The following MISP3 variants were observed in gnomAD, a reference collection of about 807,000 sequenced individuals.
MISP3 encodes the protein uncharacterized protein MISP3.
In MISP3, 9 loss-of-function variants were observed where a neutral mutation model predicts 5.5. The ratio of observed to expected loss-of-function variants is 1.65; its 90% CI spans 0.99 to 2.87. MISP3 has a LOEUF of 2.87. MISP3 is among the 30% of genes most tolerant of loss of function. The pLI, the probability that MISP3 is intolerant of heterozygous loss-of-function variation, is 0.00. For synonymous variants in MISP3, 87 were observed against 38.1 expected (o/e 2.28, Z -4.73); for missense variants, 152 against 84.1 (o/e 1.81, Z -3.16).
At position 14,074,225 on chromosome 19, in the gene MISP3, T is replaced by C; in HGVS notation, c.569-165T>C. 3.3e-6 allele frequency: 2 copies of C among 603,750 alleles called. No homozygotes were observed. Among genetic ancestry groups the C allele is most frequent in the Non-Finnish European group, 3.0e-6 (1 of 338,304 alleles). 37.4% of individuals were successfully genotyped at this position (603,750 alleles called of 1,614,324 possible). A position where few individuals can be genotyped will look rare whatever the true frequency, so the allele number is the denominator to read the frequency against. ...GAATTTTCGGGCTCCTGCTTCTCCA[T>C]TCTGGGTTCACCTCCCTCCTCCCTC... On this transcript the variant is annotated intron_variant, in intron 1 of 2. Transcript: ENST00000587086. The surrounding 1 kb of genome is among the most constrained non-coding windows in gnomAD (Gnocchi z 4.4).
In MISP3 at chr19:14,074,564, C is replaced by G; in HGVS notation, c.642+101C>G. 1.5e-6 allele frequency: 1 copy of G among 681,624 alleles called. No individual in the cohort carries two copies. The highest frequency in any genetic ancestry group is 2.7e-6 in the Non-Finnish European group (1 of 370,292). 42.2% of individuals were successfully genotyped at this position (681,624 alleles called of 1,614,324 possible). Reference sequence around the variant, plus strand: ...GGAAAAGTGCATCCTCCCTGGAGGGCCACTCTGGTCAGAACTCAGTCTGGG... The same window carrying G: ...GGAAAAGTGCATCCTCCCTGGAGGGGCACTCTGGTCAGAACTCAGTCTGGG... On this transcript the variant is annotated intron_variant, in intron 2 of 2. Coordinates refer to ENST00000587086, the MANE Select transcript of MISP3 (RefSeq NM_001291291.2). This position sits in a 1 kb window ranked among gnomAD's most constrained non-coding sequence, Gnocchi z 4.4.
rs1262187442 is a variant in MISP3 at position 14,073,361 on chromosome 19, AGCCTGCGCCGGAGCCGGG to A, written c.58_75del (p.Arg20_Leu25del). ...CCGCCGCAGCTGCGAACGCGAGGAG[AGCCTGCGCCGGAGCCGGG>A]GCCTGAGCCCGGGCCGCGCAGGCCG... On this transcript the variant is annotated inframe_deletion, in exon 1 of 3. Transcript: ENST00000587086. This position sits in a 1 kb window ranked among gnomAD's most constrained non-coding sequence, Gnocchi z 8.5. 3 of 699,076 alleles carry A rather than the reference AGCCTGCGCCGGAGCCGGG, an allele frequency of 4.3e-6. No individual in the cohort carries two copies. The highest frequency in any genetic ancestry group is 7.8e-6 in the Non-Finnish European group (3 of 382,918). The allele number at this position is 699,076 out of a possible 1,614,324, so 43.3% of individuals were successfully genotyped here. A position where few individuals can be genotyped will look rare whatever the true frequency, so the allele number is the denominator to read the frequency against.
rs1976635001 is a variant in MISP3 at position 14,073,787 on chromosome 19, G to A, written c.478G>A (p.Ala160Thr). The change falls in exon 1 of 3, where the codon GCC (alanine) becomes ACC (threonine). Residue 160 changes from alanine to threonine, a missense_variant. Physicochemically the swap from Ala to Thr is moderately conservative, Grantham distance 58. Transcript: ENST00000587086. This position sits in a 1 kb window ranked among gnomAD's most constrained non-coding sequence, Gnocchi z 8.5. The stretch of plus-strand genomic sequence containing the variant: ...GTCACTGCTGGAGCAGGAGGTGCGC[G>A]CCGTGCGCGAGCGCGAGCAGGAACT... ...TPSLLEQEVR[A>T]VREREQELQR... The A allele has an allele frequency of 1.4e-6, 1 of 700,992 alleles. No individual in the cohort carries two copies. The highest frequency in any genetic ancestry group is 2.0e-5 in the Admixed American group (1 of 49,954). 43.4% of individuals were successfully genotyped at this position (700,992 alleles called of 1,614,324 possible). A position where few individuals can be genotyped will look rare whatever the true frequency, so the allele number is the denominator to read the frequency against.
rs1976642783 is a variant in MISP3, at chr19:14,073,975, C to T, written c.568+98C>T. 2 of 641,914 alleles carry T rather than the reference C, an allele frequency of 3.1e-6. No individual in the cohort carries two copies. Among genetic ancestry groups the T allele is most frequent in the African/African-American group, 1.8e-5 (1 of 54,056 alleles). The allele number at this position is 641,914 out of a possible 1,614,324, so 39.8% of individuals were successfully genotyped here. A position where few individuals can be genotyped will look rare whatever the true frequency, so the allele number is the denominator to read the frequency against. Reference sequence around the variant, plus strand: ...GCCCCTCCTGTGGCCCTCCGATTCTCGGGGTCTCTCCCTCCAAGCTCCCAG... The same window carrying T: ...GCCCCTCCTGTGGCCCTCCGATTCTTGGGGTCTCTCCCTCCAAGCTCCCAG... On this transcript the variant is annotated intron_variant, in intron 1 of 2. Transcript: ENST00000587086. This position sits in a 1 kb window ranked among gnomAD's most constrained non-coding sequence, Gnocchi z 8.5.
chr19:14,073,093 C>T lies in MISP3; in HGVS notation c.-217C>T, dbSNP rs1305022408. The T allele has an allele frequency of 3.1e-6, 2 of 636,588 alleles. No individual in the cohort carries two copies. Among genetic ancestry groups the T allele is most frequent in the Admixed American group, 2.1e-5 (1 of 47,748 alleles). 39.4% of individuals were successfully genotyped at this position (636,588 alleles called of 1,614,324 possible). A position where few individuals can be genotyped will look rare whatever the true frequency, so the allele number is the denominator to read the frequency against. On this transcript the variant is annotated 5_prime_UTR_variant, in exon 1 of 3. The change creates a new upstream start codon in the 5' untranslated region. Coordinates refer to ENST00000587086, the MANE Select transcript of MISP3 (RefSeq NM_001291291.2). The surrounding 1 kb of genome is among the most constrained non-coding windows in gnomAD (Gnocchi z 8.5). ...TCCTCGAGCCATCAGTCGAGCAGGA[C>T]GCAGAGAGCCCCGGGCTGTCCACAG...
Position 14,073,264 on chromosome 19 carries a change from TC to T in MISP3, c.-44del. 1 of 687,838 alleles carries T rather than the reference TC, an allele frequency of 1.5e-6. No individual in the cohort carries two copies. The highest frequency in any genetic ancestry group is 2.7e-6 in the Non-Finnish European group (1 of 375,334). The allele number at this position is 687,838 out of a possible 1,614,324, so 42.6% of individuals were successfully genotyped here. On this transcript the variant is annotated 5_prime_UTR_variant, in exon 1 of 3. Coordinates refer to ENST00000587086, the MANE Select transcript of MISP3 (RefSeq NM_001291291.2). This position sits in a 1 kb window ranked among gnomAD's most constrained non-coding sequence, Gnocchi z 8.5. ...GCTCGGAAGCCCCCCACCTGCGTTT[TC>T]CGCCGTGCCCCGAGGCTCCCCAGCG...
In MISP3 at chr19:14,073,596, T is replaced by A. The variant is rs1043473513; in HGVS notation, c.287T>A (p.Leu96Gln). ...EPRARSPPQP[L>Q]GELKRFFEAA... ...CGCGCCCGGTCGCCGCCGCAGCCGC[T>A]GGGCGAACTCAAGCGCTTCTTCGAG... The change falls in exon 1 of 3, where the codon CTG becomes CAG. Residue 96 changes from leucine (L) to glutamine (Q), a missense_variant. Coordinates refer to ENST00000587086, the MANE Select transcript of MISP3 (RefSeq NM_001291291.2). This position sits in a 1 kb window ranked among gnomAD's most constrained non-coding sequence, Gnocchi z 8.5. The A allele has an allele frequency of 2.3e-3, 727 of 313,616 alleles. 2 individuals are homozygous for A. Among genetic ancestry groups the A allele is most frequent in the Non-Finnish European group, 3.4e-3 (580 of 171,912 alleles). The allele number at this position is 313,616 out of a possible 1,614,324, so 19.4% of individuals were successfully genotyped here.
At position 14,074,912 on chromosome 19, in the gene MISP3, C is replaced by T. The variant is rs1304565908; in HGVS notation, c.*189C>T. On this transcript the variant is annotated 3_prime_UTR_variant, in exon 3 of 3. Coordinates refer to ENST00000587086, the MANE Select transcript of MISP3 (RefSeq NM_001291291.2). This position sits in a 1 kb window ranked among gnomAD's most constrained non-coding sequence, Gnocchi z 4.4. ...CAGTCCCCCATTGGGAAACTGACCA[C>T]CACCCACAACTCCGCCAGTGAAACT... The T allele has an allele frequency of 1.7e-6, 1 of 599,200 alleles. No homozygotes were observed. Among genetic ancestry groups the T allele is most frequent in the African/African-American group, 1.8e-5 (1 of 54,300 alleles). The allele number at this position is 599,200 out of a possible 1,614,324, so 37.1% of individuals were successfully genotyped here.
Position 14,074,724 on chromosome 19 carries a change from G to A in MISP3, c.*1G>A, listed in dbSNP as rs1024919569. ...TCCCCAGGAGGAGCGCAAACCTTGAGGTTTGAAAAGGCTGGGACCCCCGGC... is the reference window on the plus strand; with the variant it reads ...TCCCCAGGAGGAGCGCAAACCTTGAAGTTTGAAAAGGCTGGGACCCCCGGC... On this transcript the variant is annotated 3_prime_UTR_variant, in exon 3 of 3. Transcript: ENST00000587086. This position sits in a 1 kb window ranked among gnomAD's most constrained non-coding sequence, Gnocchi z 4.4. The A allele has an allele frequency of 2.6e-5, 18 of 702,106 alleles. No homozygotes were observed. The Admixed American group carries it at 3.4e-4, about 13-fold the overall frequency. The allele number at this position is 702,106 out of a possible 1,614,324, so 43.5% of individuals were successfully genotyped here. A position where few individuals can be genotyped will look rare whatever the true frequency, so the allele number is the denominator to read the frequency against.
Position 14,073,459 on chromosome 19 carries a change from C to G in MISP3, c.150C>G (p.Pro50=). The change falls in exon 1 of 3, where the codon CCC becomes CCG. Residue 50 remains proline (P), a synonymous_variant. Transcript: ENST00000587086. This position sits in a 1 kb window ranked among gnomAD's most constrained non-coding sequence, Gnocchi z 8.5. ...TGCTCAACCTGCCGGGTCCTGGCCC[C>G]GCGCTCCCGCGCGCCCTGGAGCGGG... The part of the protein sequence containing the change: ...RPVLNLPGPG[P]ALPRALERAR... The G allele has an allele frequency of 3.9e-6, 2 of 510,668 alleles. No homozygotes were observed. Among genetic ancestry groups the G allele is most frequent in the Non-Finnish European group, 3.4e-6 (1 of 294,268 alleles). The allele number at this position is 510,668 out of a possible 1,614,324, so 31.6% of individuals were successfully genotyped here.
Position 14,074,891 on chromosome 19 carries a change from C to A in MISP3, c.*168C>A, listed in dbSNP as rs1234570505. 1.6e-6 allele frequency: 1 copy of A among 612,524 alleles called. No individual in the cohort carries two copies. Among genetic ancestry groups the A allele is most frequent in the Admixed American group, 2.5e-5 (1 of 40,100 alleles). 37.9% of individuals were successfully genotyped at this position (612,524 alleles called of 1,614,324 possible). On this transcript the variant is annotated 3_prime_UTR_variant, in exon 3 of 3. Coordinates refer to ENST00000587086, the MANE Select transcript of MISP3 (RefSeq NM_001291291.2). This position sits in a 1 kb window ranked among gnomAD's most constrained non-coding sequence, Gnocchi z 4.4. ...CAGCCCCCTCTATAAAACTTACAGT[C>A]CCCCATTGGGAAACTGACCACCACC...
In MISP3 at chr19:14,073,191, A is replaced by T; in HGVS notation, c.-119A>T. 1.5e-6 allele frequency: 1 copy of T among 673,978 alleles called. No homozygotes were observed. The highest frequency in any genetic ancestry group is 2.7e-6 in the Non-Finnish European group (1 of 366,406). 41.7% of individuals were successfully genotyped at this position (673,978 alleles called of 1,614,324 possible). ...TCCGAAGCGCAAAGGGCGGAGGTCC[A>T]GGGGCAGCATCCCCCTCCAGGCCCT... On this transcript the variant is annotated 5_prime_UTR_variant, in exon 1 of 3. Coordinates refer to ENST00000587086, the MANE Select transcript of MISP3 (RefSeq NM_001291291.2). The surrounding 1 kb of genome is among the most constrained non-coding windows in gnomAD (Gnocchi z 8.5).
rs996697543 is a variant in MISP3 at position 14,074,548 on chromosome 19, C to T, written c.642+85C>T. On this transcript the variant is annotated intron_variant, in intron 2 of 2. Transcript: ENST00000587086. This position sits in a 1 kb window ranked among gnomAD's most constrained non-coding sequence, Gnocchi z 4.4. ...CCAGGACGCTTGGTGGGGAAAAGTG[C>T]ATCCTCCCTGGAGGGCCACTCTGGT... 3 of 682,104 alleles carry T rather than the reference C, an allele frequency of 4.4e-6. No individual in the cohort carries two copies. The highest frequency in any genetic ancestry group is 2.1e-5 in the Admixed American group (1 of 48,438). The allele number at this position is 682,104 out of a possible 1,614,324, so 42.3% of individuals were successfully genotyped here. A position where few individuals can be genotyped will look rare whatever the true frequency, so the allele number is the denominator to read the frequency against.
rs1290388774 is a variant in MISP3 at position 14,073,845 on chromosome 19, C to A, written c.536C>A (p.Ala179Glu). The A allele has an allele frequency of 2.8e-6, 2 of 701,960 alleles. No homozygotes were observed. Among genetic ancestry groups the A allele is most frequent in the Non-Finnish European group, 5.2e-6 (2 of 384,606 alleles). The allele number at this position is 701,960 out of a possible 1,614,324, so 43.5% of individuals were successfully genotyped here. A position where few individuals can be genotyped will look rare whatever the true frequency, so the allele number is the denominator to read the frequency against. ...CAGCGGCGCAGCGTCTATGGCACCG[C>A]GGAGTTCAAGGAGCCTACGCCGAGC... is the stretch of plus-strand genomic sequence containing the variant. ...QRQRRSVYGT[A>E]EFKEPTPSLT... The change falls in exon 1 of 3, where the codon GCG becomes GAG. Residue 179 changes from alanine (A) to glutamate (E), a missense_variant. By Grantham distance (107) the Ala-to-Glu change is moderately radical (BLOSUM62 -1). Coordinates refer to ENST00000587086, the MANE Select transcript of MISP3 (RefSeq NM_001291291.2). This position sits in a 1 kb window ranked among gnomAD's most constrained non-coding sequence, Gnocchi z 8.5.
Position 14,073,567 on chromosome 19 carries a change from G to C in MISP3, c.258G>C (p.Glu86Asp), listed in dbSNP as rs554232124. ...CGCTGGCGCGCCCCGCGGTCCCCGAGCCGCGCGCCCGGTCGCCGCCGCAGC... is the reference window on the plus strand; with the variant it reads ...CGCTGGCGCGCCCCGCGGTCCCCGACCCGCGCGCCCGGTCGCCGCCGCAGC... ...QAALARPAVPEPRARSPPQPL... is the reference protein window; with the variant it reads ...QAALARPAVPDPRARSPPQPL... The change falls in exon 1 of 3, where the codon GAG (glutamate) becomes GAC (aspartate). Residue 86 changes from glutamate (E) to aspartate (D), a missense_variant. Coordinates refer to ENST00000587086, the MANE Select transcript of MISP3 (RefSeq NM_001291291.2). The surrounding 1 kb of genome is among the most constrained non-coding windows in gnomAD (Gnocchi z 8.5). 4.0e-6 allele frequency: 1 copy of C among 250,968 alleles called. No homozygotes were observed. Among genetic ancestry groups the C allele is most frequent in the Non-Finnish European group, 7.5e-6 (1 of 133,590 alleles). The allele number at this position is 250,968 out of a possible 1,614,324, so 15.5% of individuals were successfully genotyped here.
Position 14,072,920 on chromosome 19 carries a change from G to A in MISP3, c.-390G>A, listed in dbSNP as rs1261073318. On this transcript the variant is annotated 5_prime_UTR_variant, in exon 1 of 3. Transcript: ENST00000587086. The surrounding 1 kb of genome is among the most constrained non-coding windows in gnomAD (Gnocchi z 6.8). ...CTGGACACGAAGGCCCCCACCGGCC[G>A]GAGAACGAAACCCTGGGGTCGTCTG... The A allele has an allele frequency of 6.6e-6, 3 of 455,336 alleles. No homozygotes were observed. Among genetic ancestry groups the A allele is most frequent in the African/African-American group, 4.0e-5 (2 of 49,772 alleles). 28.2% of individuals were successfully genotyped at this position (455,336 alleles called of 1,614,324 possible).
At position 14,074,438 on chromosome 19, in the gene MISP3, A is replaced by G. The variant is rs747601725; in HGVS notation, c.617A>G (p.Lys206Arg). ...GTGGTGATCTGGCCCCCCCGCAGAAAGGTCTCGGAGAACGGCCTGGAGCAG... is the reference window on the plus strand; with the variant it reads ...GTGGTGATCTGGCCCCCCCGCAGAAGGGTCTCGGAGAACGGCCTGGAGCAG... ...KLVVIWPPRR[K>R]VSENGLEQEE... Residue 206 changes from lysine to arginine, a missense_variant, in exon 2 of 3, where the codon AAG (lysine) becomes AGG (arginine). Physicochemically the swap from Lys to Arg is conservative, Grantham distance 26 (BLOSUM62 2). Coordinates refer to ENST00000587086, the MANE Select transcript of MISP3 (RefSeq NM_001291291.2). The surrounding 1 kb of genome is among the most constrained non-coding windows in gnomAD (Gnocchi z 4.4). 4 of 702,726 alleles carry G rather than the reference A, an allele frequency of 5.7e-6. No homozygotes were observed. The South Asian group carries it at 5.9e-5, about 10-fold the overall frequency. The allele number at this position is 702,726 out of a possible 1,614,324, so 43.5% of individuals were successfully genotyped here. A position where few individuals can be genotyped will look rare whatever the true frequency, so the allele number is the denominator to read the frequency against.
In MISP3 at chr19:14,074,529, C is replaced by A; in HGVS notation, c.642+66C>A. ...TCCCCCCACCCCTCCGGTGCCAGGA[C>A]GCTTGGTGGGGAAAAGTGCATCCTC... On this transcript the variant is annotated intron_variant, in intron 2 of 2. Transcript: ENST00000587086. This position sits in a 1 kb window ranked among gnomAD's most constrained non-coding sequence, Gnocchi z 4.4. The A allele has an allele frequency of 1.5e-6, 1 of 683,886 alleles. No individual in the cohort carries two copies. The highest frequency in any genetic ancestry group is 1.5e-5 in the South Asian group (1 of 66,046). The allele number at this position is 683,886 out of a possible 1,614,324, so 42.4% of individuals were successfully genotyped here.
chr19:14,074,105 A>C lies in MISP3; in HGVS notation c.568+228A>C, dbSNP rs1419584280. 1.7e-6 allele frequency: 1 copy of C among 593,104 alleles called. No individual in the cohort carries two copies. The allele number at this position is 593,104 out of a possible 1,614,324, so 36.7% of individuals were successfully genotyped here. On this transcript the variant is annotated intron_variant, in intron 1 of 2. Transcript: ENST00000587086. This position sits in a 1 kb window ranked among gnomAD's most constrained non-coding sequence, Gnocchi z 4.4. ...ATGGACTCTCTGATCCACACCACCC[A>C]GGCTGCGCGGGGGTGGGGGCATTCC...
Sources: gnomAD v4.1 joint callset for allele counts on GRCh38, gnomAD v4.1.1 for gene constraint, Gnocchi (gnomAD v3.1) non-coding constraint, MANE v1.5 for transcripts, NCBI Gene and HGNC (gene_info 2026-07-23, HGNC 2026-07-21) for gene names.